GALNTL6: variants seen among roughly 807,000 people sequenced by gnomAD.
The protein encoded by GALNTL6 is polypeptide N-acetylgalactosaminyltransferase-like 6.
Under a neutral mutation model 73.7 loss-of-function variants are expected in GALNTL6, and 46 were observed. That is an observed-to-expected ratio of 0.62 (90% confidence interval 0.49 to 0.80). The LOEUF is 0.80. Ranked by LOEUF, GALNTL6 falls within the 30% of genes least tolerant of loss-of-function variation. The pLI is 0.00. For missense variants in GALNTL6, 604 were observed against 755.0 expected, an observed-to-expected ratio of 0.80 and a Z score of 2.34; for synonymous variants, 259 against 263.7, an observed-to-expected ratio of 0.98 and a Z score of 0.17.
At chr4:172,147,577 C>G (rs932471732) in intron 2 of GALNTL6, among the ~76,000 whole-genome samples, 1 of 152,170 alleles carries the variant, frequency 6.6e-6, no homozygotes, top group South Asian at 2.1e-4. Flanking sequence ...GGTGCCAATT[C>G]TATCATTCAG....
At chr4:172,955,777 G>A (rs1012344784) in intron 10 of GALNTL6, among the ~76,000 whole-genome samples, 4 of 151,590 alleles carry the variant, frequency 2.6e-5, no homozygotes, top group Admixed American at 6.6e-5. Flanking sequence ...GGGTGGGGCC[G>A]TTTTATAGGA....
chr4:172,849,326 G>A (rs1367506977), intron 7 of GALNTL6, among the ~76,000 whole-genome samples: 1 of 152,074 alleles, frequency 6.6e-6, no homozygotes, highest in Non-Finnish European at 1.5e-5. Flanking sequence ...CCCAATTGAA[G>A]GTGCACCTCA....
At chr4:171,945,165 A>T (rs1370522439) in intron 2 of GALNTL6, among the ~76,000 whole-genome samples, 2 of 152,060 alleles carry the variant, frequency 1.3e-5, no homozygotes, top group East Asian at 3.8e-4. Flanking sequence ...TCCCCTTTAC[A>T]ACCAACTCTC....
rs566703651 is a variant in GALNTL6, at chr4:172,458,410, CA to C, written c.553+109726del. 7.9e-3 allele frequency among the ~76,000 whole-genome samples: 1,190 copies of C among 151,556 alleles called. 12 individuals are homozygous for C. Among genetic ancestry groups the C allele is most frequent in the Non-Finnish European group, 0.013 (915 of 67,872 alleles). Reference sequence around the variant, plus strand: ...ACAGATAGAGATATGAAAAACCCTGCAAAAACTCAGTGAATTCAGGAGCTGG... The same window carrying C: ...ACAGATAGAGATATGAAAAACCCTGCAAAACTCAGTGAATTCAGGAGCTGG... On this transcript the variant is annotated intron_variant, in intron 5 of 12. Coordinates refer to ENST00000506823, the MANE Select transcript of GALNTL6 (RefSeq NM_001034845.3).
chr4:172,151,340 T>A (rs1322772413), intron 2 of GALNTL6, among the ~76,000 whole-genome samples: 1 of 152,198 alleles, frequency 6.6e-6, no homozygotes, highest in Admixed American at 6.6e-5. Flanking sequence ...AAAAAGATTT[T>A]TTTCCGTGAT....
intron 5 of GALNTL6, among the ~76,000 whole-genome samples, chr4:172,593,289 C>A (rs928615653): frequency 3.9e-5 from 6 of 152,158 alleles, no homozygotes; most frequent in African/African-American, 1.4e-4. Context: ...AATTTGTCAG[C>A]TCCATCATGA....
At chr4:172,491,218 A>C (rs1733881344) in intron 5 of GALNTL6, among the ~76,000 whole-genome samples, 1 of 152,152 alleles carries the variant, frequency 6.6e-6, no homozygotes, top group South Asian at 2.1e-4. Flanking sequence ...ATCATCATTT[A>C]ATTCAAATTA....
At chr4:171,899,145 T>C (rs1472154407) in intron 2 of GALNTL6, among the ~76,000 whole-genome samples, 1 of 70,666 alleles carries the variant, frequency 1.4e-5, no homozygotes, top group Non-Finnish European at 2.9e-5. Context: ...TTTTAAATCA[T>C]TTAAAGATGA....
intron 2 of GALNTL6, among the ~76,000 whole-genome samples, chr4:172,170,122 A>G (rs1345926317): frequency 1.3e-5 from 2 of 152,160 alleles, no homozygotes. Context: ...GCCTGCATTC[A>G]TACCTCTAGT....
At chr4:172,822,575 C>T (rs575753804) in intron 7 of GALNTL6, among the ~76,000 whole-genome samples, 35 of 152,286 alleles carry the variant, frequency 2.3e-4, no homozygotes, top group Admixed American at 2.2e-3. Flanking sequence ...CTTCTGATCT[C>T]ATTCTTGGTC....
intron 7 of GALNTL6, among the ~76,000 whole-genome samples, chr4:172,843,155 T>G (rs952917322): frequency 6.6e-6 from 1 of 152,120 alleles, no homozygotes; most frequent in South Asian, 2.1e-4. Flanking sequence ...GGCACTTCAT[T>G]TTCACTTTAT....
At chr4:172,346,600 T>C (rs1388338976) in intron 4 of GALNTL6, among the ~76,000 whole-genome samples, 1 of 152,230 alleles carries the variant, frequency 6.6e-6, no homozygotes, top group East Asian at 1.9e-4. Flanking sequence ...TCTTCTACAC[T>C]ATCCATTTCA....
intron 12 of GALNTL6, among the ~76,000 whole-genome samples, chr4:173,035,443 G>A (rs1753656971): frequency 6.6e-6 from 1 of 152,174 alleles, no homozygotes; most frequent in African/African-American, 2.4e-5. Context: ...CTCCCAAAGT[G>A]CTGGGATTAC....
chr4:172,711,727 CA>C (rs1257789107), intron 5 of GALNTL6, among the ~76,000 whole-genome samples: 8 of 152,140 alleles, frequency 5.3e-5, no homozygotes, highest in Non-Finnish European at 8.8e-5. Flanking sequence ...TGGGTAGTTA[CA>C]GGTATGCAGA....
chr4:172,473,084 A>T (rs766239266), intron 5 of GALNTL6, among the ~76,000 whole-genome samples: 3 of 152,182 alleles, frequency 2.0e-5, no homozygotes, highest in Non-Finnish European at 4.4e-5. Context: ...TGCTTCCTGT[A>T]CTTGTCCTCA....
chr4:171,815,329 A>C (rs1024532117), intron 2 of GALNTL6: 1 of 153,268 alleles, frequency 6.5e-6, no homozygotes, highest in East Asian at 1.9e-4. Context: ...GCTTGATAAC[A>C]GTATGTTGCT....
At chr4:172,750,919 C>T (rs1047068084) in intron 5 of GALNTL6, among the ~76,000 whole-genome samples, 1 of 152,000 alleles carries the variant, frequency 6.6e-6, no homozygotes, top group Non-Finnish European at 1.5e-5. Flanking sequence ...GACTCTGGAG[C>T]CTCAATGTTA....
chr4:173,002,794 C>CA lies in GALNTL6; in HGVS notation c.1372-6365dup, dbSNP rs34412958. On this transcript the variant is annotated intron_variant, in intron 10 of 12. Coordinates refer to ENST00000506823, the MANE Select transcript of GALNTL6 (RefSeq NM_001034845.3). Reference sequence around the variant, plus strand: ...TGGGGGACAGAGTGAGACTCCGTCTCAAAAAAAAAAAAAAAAAAAGAATAT... The same window carrying CA: ...TGGGGGACAGAGTGAGACTCCGTCTCAAAAAAAAAAAAAAAAAAAAGAATAT... Among the ~76,000 whole-genome samples the CA allele has an allele frequency of 3.4e-3, 278 of 82,884 alleles. 3 individuals are homozygous for CA. Among genetic ancestry groups the CA allele is most frequent in the African/African-American group, 0.011 (257 of 23,472 alleles). 54.4% of individuals were successfully genotyped at this position (82,884 alleles called of 152,430 possible). A position where few individuals can be genotyped will look rare whatever the true frequency, so the allele number is the denominator to read the frequency against.
At chr4:172,299,207 G>A (rs1417220653) in intron 3 of GALNTL6, among the ~76,000 whole-genome samples, 1 of 152,010 alleles carries the variant, frequency 6.6e-6, no homozygotes, top group African/African-American at 2.4e-5. Context: ...TGGAATTGGT[G>A]GTGATATCCC....
Sources: allele counts gnomAD v4.1 joint callset (sites outside exome capture counted in the v4.1 genomes callset), GRCh38; gene constraint gnomAD v4.1.1; transcripts MANE v1.5; gene names NCBI Gene and HGNC (gene_info 2026-07-23, HGNC 2026-07-21).